Variants in LOXL2 observed in about 807,000 individuals in gnomAD.
LOXL2 encodes the protein lysyl oxidase like 2.
Under a neutral mutation model 93.0 loss-of-function variants are expected in LOXL2, and 70 were observed. The ratio of observed to expected loss-of-function variants is 0.75; its 90% CI spans 0.62 to 0.92. LOXL2 has a LOEUF of 0.92. Ranked by LOEUF, LOXL2 falls within the 40% of genes least tolerant of loss-of-function variation. The pLI is 0.00. For missense variants in LOXL2, 973 were observed against 1,054.9 expected (o/e 0.92, Z 1.08); for synonymous variants, 438 against 413.2 (o/e 1.06, Z -0.73).
chr8:23,382,167 A>G (rs1804689058), intron 1 of LOXL2, among the ~76,000 whole-genome samples: 1 of 152,140 alleles, frequency 6.6e-6, no homozygotes, highest in Non-Finnish European at 1.5e-5. Context: ...CCAGAAAACC[A>G]TGTCCCCTTT....
chr8:23,350,259 A>G (rs1804070409), intron 3 of LOXL2, among the ~76,000 whole-genome samples: 1 of 152,092 alleles, frequency 6.6e-6, no homozygotes, highest in Non-Finnish European at 1.5e-5. Context: ...CCTTTTGATG[A>G]TCCAATCAGA....
At chr8:23,389,808 C>T (rs1423664018) in intron 1 of LOXL2, among the ~76,000 whole-genome samples, 3 of 152,258 alleles carry the variant, frequency 2.0e-5, no homozygotes, top group East Asian at 1.9e-4. Context: ...GCCTGGCCTC[C>T]GGCAGGCCCC....
chr8:23,368,061 G>A lies in LOXL2; in HGVS notation c.291C>T (p.Cys97=). The part of the protein sequence containing the change: ...DFSIHAAHVV[C]RELGYVEAKS... ...TGGCCTCCACGTAGCCCAGCTCCCGGCAGACGACGTGGGCAGCGTGGATGG... is the reference window on the plus strand; with the variant it reads ...TGGCCTCCACGTAGCCCAGCTCCCGACAGACGACGTGGGCAGCGTGGATGG... Residue 97 remains cysteine, a synonymous_variant, in exon 2 of 14, where the codon TGC becomes TGT. Coordinates refer to ENST00000389131, the MANE Select transcript of LOXL2 (RefSeq NM_002318.3). 1 of 1,614,002 alleles carries A rather than the reference G, an allele frequency of 6.2e-7. No homozygotes were observed. The highest frequency in any genetic ancestry group is 1.7e-4 in the Middle Eastern group (1 of 6,058).
chr8:23,321,953 G>C, intron 7 of LOXL2, 177 bp downstream of exon 7: 2 of 662,764 alleles, frequency 3.0e-6, no homozygotes, highest in Non-Finnish European at 5.1e-6. Flanking sequence ...GCCTGCTGCC[G>C]GGCCAGGGCC....
intron 3 of LOXL2, among the ~76,000 whole-genome samples, chr8:23,352,041 G>A (rs138600365): frequency 5.7e-4 from 79 of 139,350 alleles, no homozygotes; most frequent in African/African-American, 2.3e-3. Context: ...TCGAACTCCT[G>A]ACCTCAAGTG....
At chr8:23,306,930 G>C (rs1041613925) in intron 10 of LOXL2, among the ~76,000 whole-genome samples, 3 of 152,232 alleles carry the variant, frequency 2.0e-5, no homozygotes, top group African/African-American at 7.2e-5. Flanking sequence ...AACTCCGGGG[G>C]CACTTTCCTC....
At chr8:23,381,787 G>A (rs1473248009) in intron 1 of LOXL2, among the ~76,000 whole-genome samples, 1 of 152,178 alleles carries the variant, frequency 6.6e-6, no homozygotes, top group Non-Finnish European at 1.5e-5. Context: ...TGGGGACGGC[G>A]AGGCCATGCC....
chr8:23,298,155 C>A (rs1457074342), intron 13 of LOXL2, 33 bp from the exon 14 acceptor site: 1 of 1,549,368 alleles, frequency 6.5e-7, no homozygotes, highest in Admixed American at 1.7e-5. Flanking sequence ...AGAGAGTGGA[C>A]AAATGAGATG....
chr8:23,341,625 G>A (rs1286278706), intron 3 of LOXL2: 1 of 256,844 alleles, frequency 3.9e-6, no homozygotes, highest in Non-Finnish European at 7.7e-6. Context: ...ATGTGCCTGT[G>A]AGTGTGTCTG....
rs1178756369 is a variant in LOXL2, at chr8:23,361,420, G to A, written c.356-1155C>T. On this transcript the variant is annotated intron_variant, in intron 2 of 13. Transcript: ENST00000389131. ...CCACCTCATCATGTTTCAGAAGGCC[G>A]CCAAGGGACTCTGCTTACCTCCTGT... Among the ~76,000 whole-genome samples, 3 of 152,214 alleles carry A rather than the reference G, an allele frequency of 2.0e-5. 1 individual carries two copies. Among genetic ancestry groups the A allele is most frequent in the African/African-American group, 7.2e-5 (3 of 41,504 alleles).
At chr8:23,309,936 A>G (rs1181663106) in intron 9 of LOXL2, 25 bp from the exon 10 acceptor site, 4 of 1,443,674 alleles carry the variant, frequency 2.8e-6, no homozygotes, top group Non-Finnish European at 3.7e-6. Context: ...ATGCTGGTCA[A>G]CAAGGCAAGA....
rs561415588 is a variant in LOXL2 at position 23,402,340 on chromosome 8, C to G, written c.-84+1614G>C. On this transcript the variant is annotated intron_variant, in intron 1 of 13. Transcript: ENST00000389131. ...ACACAAACGTGCGCGCGTGCACACACAGATTAGTGAGACTCAATTTCCTTG... is the reference window on the plus strand; with the variant it reads ...ACACAAACGTGCGCGCGTGCACACAGAGATTAGTGAGACTCAATTTCCTTG... Among the ~76,000 whole-genome samples, 6 of 152,334 alleles carry G rather than the reference C, an allele frequency of 3.9e-5. No homozygotes were observed. In the East Asian group the frequency reaches 1.2e-3, roughly 29 times the overall value.
At chr8:23,385,840 A>C in intron 1 of LOXL2, 1 of 667,466 alleles carries the variant, frequency 1.5e-6, no homozygotes, top group Non-Finnish European at 2.7e-6. Flanking sequence ...AATCAATACA[A>C]AAATTATTAA....
chr8:23,323,999 C>T lies in LOXL2; in HGVS notation c.1151-1718G>A, dbSNP rs1282318135. 3.3e-5 allele frequency among the ~76,000 whole-genome samples: 5 copies of T among 152,172 alleles called. No homozygotes were observed. In the East Asian group the frequency reaches 9.6e-4, roughly 29 times the overall value. On this transcript the variant is annotated intron_variant, in intron 6 of 13. Coordinates refer to ENST00000389131, the MANE Select transcript of LOXL2 (RefSeq NM_002318.3). Reference sequence around the variant, plus strand: ...ACAGATGCAAGCCACCATGCCTGGCCTGATTAAGGTTATTTCTTATTTCTG... The same window carrying T: ...ACAGATGCAAGCCACCATGCCTGGCTTGATTAAGGTTATTTCTTATTTCTG...
Position 23,338,854 on chromosome 8 carries a change from A to G in LOXL2, c.743+2138T>C, listed in dbSNP as rs147666885. On this transcript the variant is annotated intron_variant, in intron 4 of 13. Coordinates refer to ENST00000389131, the MANE Select transcript of LOXL2 (RefSeq NM_002318.3). ...TCTGAGCTGGCCCTACCCCCGGGAG[A>G]AGAGGAGCTGCAGCAGGGCCAGCAG... Among the ~76,000 whole-genome samples the G allele has an allele frequency of 1.9e-3, 296 of 152,172 alleles. 4 individuals carry two copies. The East Asian group carries it at 0.042, about 21-fold the overall frequency.
chr8:23,365,560 T>TAAAAGGGG (rs2117210756), intron 2 of LOXL2: 2 of 152,124 alleles, frequency 1.3e-5, no homozygotes, highest in South Asian at 4.1e-4. Context: ...CTCTCTTTGA[T>TAAAAGGGG]GTTATTCCTT....
chr8:23,394,076 G>A (rs960227640), intron 1 of LOXL2, among the ~76,000 whole-genome samples: 2 of 152,134 alleles, frequency 1.3e-5, no homozygotes, highest in Non-Finnish European at 2.9e-5. Flanking sequence ...TGTAAAAATT[G>A]TTTATAATTT....
intron 4 of LOXL2, among the ~76,000 whole-genome samples, chr8:23,338,714 G>T (rs1803835672): frequency 6.6e-6 from 1 of 152,222 alleles, no homozygotes; most frequent in Non-Finnish European, 1.5e-5. Context: ...GCCGGGCAGG[G>T]TGGTGGTCCT....
chr8:23,329,234 G>A (rs1803635688), intron 5 of LOXL2: 1 of 152,242 alleles, frequency 6.6e-6, no homozygotes, highest in Admixed American at 6.5e-5. Context: ...GCCTCATACT[G>A]ATTTGTCCCA....
Sources: gnomAD v4.1 joint callset for allele counts (sites outside exome capture counted in the v4.1 genomes callset) on GRCh38, gnomAD v4.1.1 for gene constraint, MANE v1.5 for transcripts, NCBI Gene and HGNC (gene_info 2026-07-23, HGNC 2026-07-21) for gene names.